The following CBFA2T3 variants were observed in gnomAD, a reference collection of about 807,000 sequenced individuals.
CBFA2T3 encodes CBFA2/RUNX1 partner transcriptional co-repressor 3.
In CBFA2T3, 31 loss-of-function variants were observed where a neutral mutation model predicts 58.6. The observed-to-expected ratio is 0.53, with a 90% CI of 0.40 to 0.71. The LOEUF is 0.71. Among genes scored for constraint, CBFA2T3 ranks in the 30% least tolerant of loss-of-function variants. The probability of loss-of-function intolerance (pLI) is 0.00; values close to 1 mark genes in which losing one functional copy is unlikely to be tolerated. For synonymous variants in CBFA2T3, 531 were observed against 421.9 expected (o/e 1.26, Z -3.17); for missense variants, 1,076 against 963.1 (o/e 1.12, Z -1.55).
At chr16:88,892,161 G>A (rs1050737818) in intron 4 of CBFA2T3, 83 bp downstream of exon 4, 1 of 1,514,234 alleles carries the variant, frequency 6.6e-7, no homozygotes, top group Admixed American at 1.7e-5. Context: ...TGGAGCCCAT[G>A]TAAGGAGTGG....
At chr16:88,883,873 C>G (rs1429524917) in intron 7 of CBFA2T3, 3 of 152,298 alleles carry the variant, frequency 2.0e-5, no homozygotes, top group African/African-American at 7.2e-5. Flanking sequence ...CCAGGCCCCA[C>G]TGTTTTCTGC....
At chr16:88,945,652 C>T (rs1374472185) in intron 1 of CBFA2T3, among the ~76,000 whole-genome samples, 1 of 152,166 alleles carries the variant, frequency 6.6e-6, no homozygotes, top group Admixed American at 6.5e-5. Flanking sequence ...AACTAAAACT[C>T]AACACACGGA....
chr16:88,943,337 G>T (rs1035903432), intron 1 of CBFA2T3, among the ~76,000 whole-genome samples: 1 of 152,224 alleles, frequency 6.6e-6, no homozygotes, highest in Non-Finnish European at 1.5e-5. Context: ...TCTCTGGACC[G>T]CAGGCTTCGG....
rs1445192465 is a variant in CBFA2T3 at position 88,924,352 on chromosome 16, C to T, written c.152-22696G>A. On this transcript the variant is annotated intron_variant, in intron 1 of 11. Coordinates refer to ENST00000268679, the MANE Select transcript of CBFA2T3 (RefSeq NM_005187.6). ...TGCACAAGCTCCGCCCTGGCCCTGC[C>T]TCCCTGGGGCCGCCGACCACAAGGA... Among the ~76,000 whole-genome samples the T allele has an allele frequency of 2.0e-5, 3 of 152,228 alleles. No individual in the cohort carries two copies. The East Asian group carries it at 5.8e-4, about 29-fold the overall frequency.
At chr16:88,889,771 C>T (rs1383615591) in intron 5 of CBFA2T3, among the ~76,000 whole-genome samples, 1 of 149,280 alleles carries the variant, frequency 6.7e-6, no homozygotes, top group Non-Finnish European at 1.5e-5. Context: ...ATTCCTCCTC[C>T]TCCAGGGACG....
intron 1 of CBFA2T3, among the ~76,000 whole-genome samples, chr16:88,970,106 G>GGTT (rs1555546242): frequency 6.6e-6 from 1 of 151,882 alleles, no homozygotes; most frequent in Non-Finnish European, 1.5e-5. Flanking sequence ...TGGGGGAGGG[G>GGTT]TTGGCCCACT....
chr16:88,936,000 C>T (rs1282948256), intron 1 of CBFA2T3, among the ~76,000 whole-genome samples: 1 of 152,168 alleles, frequency 6.6e-6, no homozygotes, highest in African/African-American at 2.4e-5. Flanking sequence ...CCGCTGCCTC[C>T]GGGAACAGGG....
intron 1 of CBFA2T3, among the ~76,000 whole-genome samples, chr16:88,923,747 G>A (rs1970998120): frequency 6.6e-6 from 1 of 152,218 alleles, no homozygotes; most frequent in Non-Finnish European, 1.5e-5. Context: ...GGTCGGCTTT[G>A]GAACTCGGGC....
At chr16:88,919,298 C>A (rs948009597) in intron 1 of CBFA2T3, among the ~76,000 whole-genome samples, 2 of 152,222 alleles carry the variant, frequency 1.3e-5, no homozygotes, top group African/African-American at 4.8e-5. Context: ...AAACCGGACA[C>A]AGCGTCAGGT....
At chr16:88,906,642 G>A (rs1970347003) in intron 1 of CBFA2T3, among the ~76,000 whole-genome samples, 1 of 152,234 alleles carries the variant, frequency 6.6e-6, no homozygotes, top group South Asian at 2.1e-4. Flanking sequence ...AAGGGCTAAT[G>A]TCACGGAGGA....
At chr16:88,917,738 G>T (rs566307435) in intron 1 of CBFA2T3, among the ~76,000 whole-genome samples, 9 of 152,312 alleles carry the variant, frequency 5.9e-5, no homozygotes, top group African/African-American at 2.2e-4. Context: ...GTGCCAGAAT[G>T]TTCCCCCAGC....
In CBFA2T3 at chr16:88,899,363, G is replaced by A. The variant is rs561600962; in HGVS notation, c.305-1211C>T. ...TAAATCTGAGGCTACCTCAGGGGTG[G>A]CCAGAGCCTCAGACTGATGCTGCTG... On this transcript the variant is annotated intron_variant, in intron 2 of 11. Coordinates refer to ENST00000268679, the MANE Select transcript of CBFA2T3 (RefSeq NM_005187.6). Among the ~76,000 whole-genome samples, 113 of 152,312 alleles carry A rather than the reference G, an allele frequency of 7.4e-4. 1 individual carries two copies. The highest frequency in any genetic ancestry group is 4.9e-3 in the Admixed American group (75 of 15,308).
intron 8 of CBFA2T3, among the ~76,000 whole-genome samples, chr16:88,881,790 C>T (rs888858302): frequency 3.9e-5 from 6 of 152,250 alleles, no homozygotes; most frequent in East Asian, 1.9e-4. Context: ...CCTGGCTTTC[C>T]GCCTGGGCTC....
intron 5 of CBFA2T3, among the ~76,000 whole-genome samples, chr16:88,888,149 CGAGA>C (rs967260530): frequency 1.3e-5 from 2 of 151,990 alleles, no homozygotes; most frequent in African/African-American, 4.8e-5. Flanking sequence ...ACCCCAACTA[CGAGA>C]GAGAGGGCCC....
At chr16:88,926,212 G>A (rs10438576) in intron 1 of CBFA2T3, among the ~76,000 whole-genome samples, 3,315 of 152,156 alleles carry the variant, frequency 0.022, 61 homozygotes, top group African/African-American at 0.047. Flanking sequence ...CCGGGCTGCC[G>A]CCTCCAAGAG....
chr16:88,949,823 C>A (rs949918411), intron 1 of CBFA2T3, among the ~76,000 whole-genome samples: 1 of 151,872 alleles, frequency 6.6e-6, no homozygotes, highest in Non-Finnish European at 1.5e-5. Flanking sequence ...CCAGCCTGGC[C>A]GACATGGCGA....
chr16:88,974,708 C>T (rs1476568857), intron 1 of CBFA2T3, among the ~76,000 whole-genome samples: 1 of 152,184 alleles, frequency 6.6e-6, no homozygotes, highest in Admixed American at 6.5e-5. Flanking sequence ...GTGTGCCTGA[C>T]AGCCACACAG....
chr16:88,947,581 A>G (rs1314481826), intron 1 of CBFA2T3, among the ~76,000 whole-genome samples: 2 of 152,250 alleles, frequency 1.3e-5, no homozygotes, highest in Non-Finnish European at 2.9e-5. Context: ...CAACCGATAC[A>G]AACAATGTGA....
intron 2 of CBFA2T3, among the ~76,000 whole-genome samples, chr16:88,899,165 C>T (rs570007174): frequency 3.5e-4 from 53 of 151,340 alleles, no homozygotes; most frequent in South Asian, 1.0e-3. Context: ...CTCAAGTCTC[C>T]GTTCAGACTC....
Sources: allele counts gnomAD v4.1 joint callset (sites outside exome capture counted in the v4.1 genomes callset), GRCh38; gene constraint gnomAD v4.1.1; transcripts MANE v1.5; gene names NCBI Gene and HGNC (gene_info 2026-07-23, HGNC 2026-07-21).